Variants in SSBP3 observed in about 807,000 individuals in gnomAD.
SSBP3 encodes single-stranded DNA-binding protein 3.
Under a neutral mutation model 69.6 loss-of-function variants are expected in SSBP3, and 5 were observed. That is an observed-to-expected ratio of 0.07 (90% CI 0.04 to 0.15). The LOEUF is 0.15. Among genes scored for constraint, SSBP3 ranks in the 10% least tolerant of loss-of-function variants. The pLI is 1.00. For synonymous variants in SSBP3, 196 were observed against 193.4 expected, an observed-to-expected ratio of 1.01 and a Z score of -0.11; for missense variants, 312 against 534.0, an observed-to-expected ratio of 0.58 and a Z score of 4.10.
At chr1:54,346,242 T>C (rs1429843765) in intron 4 of SSBP3, among the ~76,000 whole-genome samples, 3 of 151,722 alleles carry the variant, frequency 2.0e-5, no homozygotes, top group African/African-American at 4.8e-5. Flanking sequence ...GGAGAATTGC[T>C]TGAACCTGGG....
intron 10 of SSBP3, among the ~76,000 whole-genome samples, chr1:54,242,654 T>C (rs1044778531): frequency 6.6e-6 from 1 of 152,036 alleles, no homozygotes; most frequent in African/African-American, 2.4e-5. Context: ...GGGGTTATAA[T>C]AATAACCGCG....
chr1:54,402,405 G>A (rs1008237108), intron 3 of SSBP3, among the ~76,000 whole-genome samples: 1 of 152,136 alleles, frequency 6.6e-6, no homozygotes, highest in Non-Finnish European at 1.5e-5. Context: ...AAAGGTTCAA[G>A]TGCCAAAGTC....
At chr1:54,353,669 C>T (rs1025618654) in intron 4 of SSBP3, among the ~76,000 whole-genome samples, 7 of 152,186 alleles carry the variant, frequency 4.6e-5, no homozygotes, top group African/African-American at 1.7e-4. Context: ...AGAGGCTGCT[C>T]TCGAGGGCTG....
chr1:54,251,008 G>C (rs1158402499), intron 9 of SSBP3, among the ~76,000 whole-genome samples: 3 of 152,206 alleles, frequency 2.0e-5, no homozygotes, highest in African/African-American at 4.8e-5. Flanking sequence ...TGGCAGCGGA[G>C]CCCTCTGGTC....
At chr1:54,348,259 G>T (rs867417307) in intron 4 of SSBP3, among the ~76,000 whole-genome samples, 1 of 117,538 alleles carries the variant, frequency 8.5e-6, no homozygotes, top group East Asian at 3.1e-4. Flanking sequence ...GGGGGGGGGG[G>T]GCGGGTGAGG....
intron 5 of SSBP3, among the ~76,000 whole-genome samples, chr1:54,278,391 T>C (rs1645330002): frequency 6.6e-6 from 1 of 151,900 alleles, no homozygotes; most frequent in Non-Finnish European, 1.5e-5. Flanking sequence ...TGCCAGCCCT[T>C]AACTTGCTAC....
chr1:54,226,657 T>C (rs1434558615), exon 18 of SSBP3: 1 of 160,294 alleles, frequency 6.2e-6, no homozygotes, highest in African/African-American at 2.5e-5. Flanking sequence ...TTTTTTTTTT[T>C]TCCTTTTTCC....
At chr1:54,394,362 A>T (rs7529261) in intron 4 of SSBP3, among the ~76,000 whole-genome samples, 123 of 152,182 alleles carry the variant, frequency 8.1e-4, no homozygotes, top group African/African-American at 2.9e-3. Flanking sequence ...CAGGGGTGGG[A>T]CTGTTTACCT....
chr1:54,232,186 T>C (rs1644391269), intron 14 of SSBP3, among the ~76,000 whole-genome samples: 1 of 152,262 alleles, frequency 6.6e-6, no homozygotes, highest in African/African-American at 2.4e-5. Context: ...GGAGGTGGAC[T>C]AGTTAAATGA....
In SSBP3 at chr1:54,294,154, AAAAAAAAAGAAAGAAAGAAAGAAAG is replaced by A. The variant is rs1279854835; in HGVS notation, c.277-12652_277-12628del. The stretch of plus-strand genomic sequence containing the variant: ...TGAGACTCCATCTCAAAAAAAAAAA[AAAAAAAAAGAAAGAAAGAAAGAAAG>A]AAAGAAAGAAAGAAAAGAAAAAAGA... On this transcript the variant is annotated intron_variant, in intron 4 of 17. Transcript: ENST00000610401. 1.4e-3 allele frequency among the ~76,000 whole-genome samples: 144 copies of A among 101,304 alleles called. 1 individual carries two copies. The highest frequency in any genetic ancestry group is 4.5e-3 in the African/African-American group (134 of 29,942). The allele number at this position is 101,304 out of a possible 152,430, so 66.5% of individuals were successfully genotyped here.
chr1:54,238,257 A>G (rs1164116288), intron 14 of SSBP3: 1 of 470,880 alleles, frequency 2.1e-6, no homozygotes, highest in African/African-American at 2.0e-5. Flanking sequence ...AGCCAACAAA[A>G]CCAGAGTGCC....
chr1:54,333,790 C>T (rs556752791), intron 4 of SSBP3, among the ~76,000 whole-genome samples: 1 of 152,320 alleles, frequency 6.6e-6, no homozygotes, highest in East Asian at 1.9e-4. Context: ...TGTAGCCAGG[C>T]ACAGAGCCTT....
intron 4 of SSBP3, among the ~76,000 whole-genome samples, chr1:54,315,419 A>G (rs950239760): frequency 6.6e-6 from 1 of 152,168 alleles, no homozygotes; most frequent in Non-Finnish European, 1.5e-5. Context: ...CACACAGCAG[A>G]TGGACTTGGT....
intron 5 of SSBP3, among the ~76,000 whole-genome samples, chr1:54,269,294 C>T (rs1263334603): frequency 6.6e-6 from 1 of 152,168 alleles, no homozygotes; most frequent in Non-Finnish European, 1.5e-5. Context: ...AGTCATCTGG[C>T]CCTAGAAGTA....
chr1:54,234,740 T>C (rs1052358547), intron 14 of SSBP3, among the ~76,000 whole-genome samples: 2 of 151,790 alleles, frequency 1.3e-5, no homozygotes, highest in Admixed American at 6.6e-5. Context: ...GAAGCCTTTA[T>C]AGCCTTTAGG....
At chr1:54,293,673 C>T (rs1216919304) in intron 4 of SSBP3, among the ~76,000 whole-genome samples, 1 of 152,228 alleles carries the variant, frequency 6.6e-6, no homozygotes, top group African/African-American at 2.4e-5. Context: ...CTGGGTGATA[C>T]CCTTTCGTCA....
rs374645399 is a variant in SSBP3 at position 54,301,734 on chromosome 1, G to A, written c.277-20207C>T. On this transcript the variant is annotated intron_variant, in intron 4 of 17. Coordinates refer to ENST00000610401, the Ensembl canonical transcript of SSBP3. ...GCGAGGCTGAGCAGATGGGAAGCCA[G>A]GCATCCCCCACCCACCTGTCCGGCC... 7.2e-5 allele frequency among the ~76,000 whole-genome samples: 11 copies of A among 152,304 alleles called. No homozygotes were observed. In the South Asian group the frequency reaches 1.5e-3, roughly 20 times the overall value.
At chr1:54,352,414 G>C in intron 4 of SSBP3, among the ~76,000 whole-genome samples, 1 of 152,146 alleles carries the variant, frequency 6.6e-6, no homozygotes, top group East Asian at 1.9e-4. Flanking sequence ...GCTTCTTCAA[G>C]TGACTTCTCC....
intron 4 of SSBP3, among the ~76,000 whole-genome samples, chr1:54,359,833 C>A (rs1477808027): frequency 6.6e-6 from 1 of 152,132 alleles, no homozygotes; most frequent in Non-Finnish European, 1.5e-5. Flanking sequence ...CACAGCAACA[C>A]CACTGGCCTG....
Sources: allele counts gnomAD v4.1 joint callset (sites outside exome capture counted in the v4.1 genomes callset), GRCh38; gene constraint gnomAD v4.1.1; transcripts MANE v1.5; gene names NCBI Gene and HGNC (gene_info 2026-07-23, HGNC 2026-07-21).